MYO16: variants seen among roughly 807,000 people sequenced by gnomAD.
MYO16 encodes myosin XVI.
A neutral mutation model predicts 205.3 loss-of-function variants in MYO16; 94 were observed. That is an observed-to-expected ratio of 0.46 (90% CI 0.39 to 0.54). MYO16 has a LOEUF of 0.54. Ranked by LOEUF, MYO16 falls within the 20% of genes least tolerant of loss-of-function variation. MYO16 has a pLI of 0.00. For synonymous variants in MYO16, 988 were observed against 954.0 expected (o/e 1.04, Z -0.66); for missense variants, 2,315 against 2,387.5 (o/e 0.97, Z 0.63).
At chr13:109,003,586 G>T (rs1885289876) in intron 21 of MYO16, among the ~76,000 whole-genome samples, 1 of 152,188 alleles carries the variant, frequency 6.6e-6, no homozygotes, top group African/African-American at 2.4e-5. Flanking sequence ...AAAAAAGGAA[G>T]AAAGCTGAGA....
chr13:108,564,554 C>T, the MYO16 span, among the ~76,000 whole-genome samples: 1 of 152,032 alleles, frequency 6.6e-6, no homozygotes, highest in African/African-American at 2.4e-5. Flanking sequence ...TTATTTATCT[C>T]TTGTCAGATG....
intron 27 of MYO16, among the ~76,000 whole-genome samples, chr13:109,071,727 C>T (rs946411232): frequency 8.6e-5 from 13 of 151,832 alleles, no homozygotes; most frequent in Non-Finnish European, 1.5e-4. Context: ...TTTTAATTAA[C>T]GATGACCTAC....
the MYO16 span, among the ~76,000 whole-genome samples, chr13:108,537,112 C>T: frequency 1.1e-3 from 173 of 152,118 alleles, no homozygotes; most frequent in South Asian, 7.7e-3. Context: ...GAACAATGTA[C>T]CTAATAATGA....
the MYO16 span, among the ~76,000 whole-genome samples, chr13:108,524,402 A>G: frequency 1.3e-5 from 2 of 152,174 alleles, no homozygotes; most frequent in African/African-American, 4.8e-5. Flanking sequence ...CATGTGAATT[A>G]CCTGCTTCCC....
At chr13:108,697,637 A>G (rs1883140349) in intron 2 of MYO16, among the ~76,000 whole-genome samples, 1 of 152,200 alleles carries the variant, frequency 6.6e-6, no homozygotes, top group Non-Finnish European at 1.5e-5. Context: ...ATCAATTTGT[A>G]TGATTTTACT....
intron 3 of MYO16, 148 bp from the exon 4 acceptor site, chr13:108,727,292 G>A: frequency 1.4e-6 from 1 of 721,778 alleles, no homozygotes; most frequent in Non-Finnish European, 2.2e-6. Context: ...TTGTTGGTTA[G>A]TTGGGGAAAT....
At chr13:108,990,495 G>C (rs1884791736) in intron 20 of MYO16, among the ~76,000 whole-genome samples, 1 of 150,376 alleles carries the variant, frequency 6.6e-6, no homozygotes, top group African/African-American at 2.4e-5. Context: ...CTTATTTTGA[G>C]GTTTCCCAAA....
chr13:109,201,171 C>T (rs893708976), intron 34 of MYO16, among the ~76,000 whole-genome samples: 1 of 152,042 alleles, frequency 6.6e-6, no homozygotes, highest in African/African-American at 2.4e-5. Flanking sequence ...GTTACATTAA[C>T]TTTGATTAAA....
intron 23 of MYO16, among the ~76,000 whole-genome samples, chr13:109,027,645 C>T (rs1886409075): frequency 6.6e-6 from 1 of 152,160 alleles, no homozygotes; most frequent in Non-Finnish European, 1.5e-5. Flanking sequence ...TCAGTTGCCA[C>T]ACCATGATAT....
At chr13:108,626,552 A>G (rs1879743130), upstream of MYO16, among the ~76,000 whole-genome samples, 1 of 152,164 alleles carries the variant, frequency 6.6e-6, no homozygotes, top group South Asian at 2.1e-4. Context: ...TCATGCCTGT[A>G]ATCCCAGCAC....
At chr13:108,647,149 A>C (rs1275352842) in intron 1 of MYO16, among the ~76,000 whole-genome samples, 2 of 151,500 alleles carry the variant, frequency 1.3e-5, no homozygotes, top group Admixed American at 1.3e-4. Context: ...CTACCTTCTG[A>C]CTCCACTTTC....
At chr13:108,541,291 G>A in the MYO16 span, among the ~76,000 whole-genome samples, 3,359 of 151,458 alleles carry the variant, frequency 0.022, 109 homozygotes, top group South Asian at 0.081. Flanking sequence ...ATGTATAAAT[G>A]TGTCTATATA....
chr13:108,945,555 C>CT (rs370119118), intron 16 of MYO16, among the ~76,000 whole-genome samples: 1 of 152,036 alleles, frequency 6.6e-6, no homozygotes, highest in Non-Finnish European at 1.5e-5. Flanking sequence ...CATTTCTATT[C>CT]TTTTTTTATC....
chr13:109,166,742 A>C (rs1446960193), intron 33 of MYO16: 2 of 152,382 alleles, frequency 1.3e-5, no homozygotes, highest in East Asian at 1.9e-4. Flanking sequence ...GACATTATTC[A>C]TAATCACATA....
chr13:109,083,427 CAGTAGAGACGATCA>C (rs1258437452), intron 27 of MYO16, among the ~76,000 whole-genome samples: 1 of 127,528 alleles, frequency 7.8e-6, no homozygotes, highest in African/African-American at 3.0e-5. Flanking sequence ...AAAGCTTCTG[CAGTAGAGACGATCA>C]AAAAGCAAGG....
chr13:109,203,299 C>G (rs1425451709), intron 34 of MYO16, among the ~76,000 whole-genome samples: 1 of 152,170 alleles, frequency 6.6e-6, no homozygotes, highest in Non-Finnish European at 1.5e-5. Context: ...ATCTATACAT[C>G]TGACAAAGGA....
At chr13:109,154,662 C>T (rs935410837) in intron 32 of MYO16, among the ~76,000 whole-genome samples, 1 of 152,036 alleles carries the variant, frequency 6.6e-6, no homozygotes, top group African/African-American at 2.4e-5. Flanking sequence ...TATCTTCTCA[C>T]CTTTGCCTTC....
At position 109,140,559 on chromosome 13, in the gene MYO16, C is replaced by T. The variant is rs768768732; in HGVS notation, c.4347C>T (p.Pro1449=). Residue 1449 remains proline, a synonymous_variant, in exon 32 of 35, where the codon CCC becomes CCT. Transcript: ENST00000457511. This position sits in a 1 kb window ranked among gnomAD's most constrained non-coding sequence, Gnocchi z 8.0. ...CGGCCAGGCCCGATAGCCCGGACCCCGGGGAGTCCGTGTACGAGGAGATGA... is the reference window on the plus strand; with the variant it reads ...CGGCCAGGCCCGATAGCCCGGACCCTGGGGAGTCCGTGTACGAGGAGATGA... ...GHAARPDSPD[P]GESVYEEMKC... is the part of the protein sequence containing the mutation. 6 of 1,540,280 alleles carry T rather than the reference C, an allele frequency of 3.9e-6. No homozygotes were observed. In the South Asian group the frequency reaches 5.9e-5, roughly 15 times the overall value.
intron 12 of MYO16, among the ~76,000 whole-genome samples, chr13:108,881,762 A>G (rs543540760): frequency 6.6e-6 from 1 of 152,330 alleles, no homozygotes; most frequent in African/African-American, 2.4e-5. Context: ...AGTAAAAAGA[A>G]ATGAACAAAG....
Sources: gnomAD v4.1 joint callset for allele counts (sites outside exome capture counted in the v4.1 genomes callset) on GRCh38, gnomAD v4.1.1 for gene constraint, Gnocchi (gnomAD v3.1) non-coding constraint, MANE v1.5 for transcripts, NCBI Gene and HGNC (gene_info 2026-07-23, HGNC 2026-07-21) for gene names.